The following KHK variants were observed in gnomAD, a reference collection of about 807,000 sequenced individuals.
KHK encodes ketohexokinase.
KHK carries 37 observed loss-of-function variants against 36.0 expected under a neutral mutation model. The observed-to-expected ratio is 1.03, with a 90% confidence interval of 0.79 to 1.35. The LOEUF (loss-of-function observed/expected upper bound fraction) is 1.35, where lower values mean the gene tolerates loss of function less well. KHK is among the 40% of genes most tolerant of loss of function. The pLI, the probability that KHK is intolerant of heterozygous loss-of-function variation, is 0.00. For synonymous variants in KHK, 161 were observed against 162.8 expected, an observed-to-expected ratio of 0.99 and a Z score of 0.08; for missense variants, 395 against 391.9, an observed-to-expected ratio of 1.01 and a Z score of -0.07.
At chr2:27,091,972 G>C (rs1268734029) in intron 1 of KHK, among the ~76,000 whole-genome samples, 1 of 152,248 alleles carries the variant, frequency 6.6e-6, no homozygotes, top group Non-Finnish European at 1.5e-5. Flanking sequence ...GGCCAAAGGT[G>C]CAGCGTCTGG....
At position 27,087,164 on chromosome 2, in the gene KHK, G is replaced by A; in HGVS notation, c.-96G>A. 1 of 1,053,318 alleles carries A rather than the reference G, an allele frequency of 9.5e-7. No individual in the cohort carries two copies. The highest frequency in any genetic ancestry group is 2.6e-5 in the East Asian group (1 of 38,282). The allele number at this position is 1,053,318 out of a possible 1,614,324, so 65.2% of individuals were successfully genotyped here. Reference sequence around the variant, plus strand: ...GCTCCCACGCGGAGGAGGAGCCAGGGCAGCTGGGAGCGGGGACACCATCCT... The same window carrying A: ...GCTCCCACGCGGAGGAGGAGCCAGGACAGCTGGGAGCGGGGACACCATCCT... On this transcript the variant is annotated 5_prime_UTR_variant, in exon 1 of 8. Transcript: ENST00000260598.
intron 3 of KHK, 54 bp downstream of exon 3, chr2:27,094,988 A>G (rs1468393487): frequency 2.5e-6 from 4 of 1,606,120 alleles, no homozygotes; most frequent in Non-Finnish European, 3.4e-6. Flanking sequence ...TGGCTCAATC[A>G]GTTCCCTCAC....
chr2:27,092,242 C>G (rs1348368992), intron 1 of KHK, 90 bp from the exon 2 acceptor site: 1 of 1,020,002 alleles, frequency 9.8e-7, no homozygotes, highest in African/African-American at 1.6e-5. Flanking sequence ...AGAGGAGTCC[C>G]CAGCTGTTAC....
intron 1 of KHK, among the ~76,000 whole-genome samples, chr2:27,091,653 G>C (rs1161831803): frequency 6.6e-6 from 1 of 152,176 alleles, no homozygotes; most frequent in Non-Finnish European, 1.5e-5. Flanking sequence ...ACTGTGAGGG[G>C]ATCAGTGCGT....
intron 1 of KHK, among the ~76,000 whole-genome samples, chr2:27,089,744 C>T (rs1669873966): frequency 6.6e-6 from 1 of 152,226 alleles, no homozygotes; most frequent in Non-Finnish European, 1.5e-5. Flanking sequence ...GGGACCCAGT[C>T]CTTCCTGGGT....
rs1670772561 is a variant in KHK, at chr2:27,100,728, A to G, written c.*978A>G. On this transcript the variant is annotated 3_prime_UTR_variant, in exon 8 of 8. Transcript: ENST00000260598. ...ACAGAATTATTGTGAGGATAAAATC[A>G]TATATAAAATGCCCAGCATGATGCC... The G allele has an allele frequency of 3.5e-6, 4 of 1,132,878 alleles. No individual in the cohort carries two copies. The highest frequency in any genetic ancestry group is 3.3e-5 in the African/African-American group (2 of 61,316). The allele number at this position is 1,132,878 out of a possible 1,614,324, so 70.2% of individuals were successfully genotyped here.
chr2:27,087,001 G>A lies in KHK; in HGVS notation c.-259G>A, dbSNP rs954145487. 4.8e-6 allele frequency: 2 copies of A among 413,672 alleles called. No homozygotes were observed. The highest frequency in any genetic ancestry group is 8.8e-6 in the Non-Finnish European group (2 of 228,110). The allele number at this position is 413,672 out of a possible 1,614,324, so 25.6% of individuals were successfully genotyped here. A position where few individuals can be genotyped will look rare whatever the true frequency, so the allele number is the denominator to read the frequency against. On this transcript the variant is annotated 5_prime_UTR_variant, in exon 1 of 8. Transcript: ENST00000260598. Reference sequence around the variant, plus strand: ...TGCCATCTGCAGGCCCAGGCAACCTGCTACGGGAAGACCGGGGACCAAGAC... The same window carrying A: ...TGCCATCTGCAGGCCCAGGCAACCTACTACGGGAAGACCGGGGACCAAGAC...
In KHK at chr2:27,099,516, G is replaced by C; in HGVS notation, c.750G>C (p.Val250=). The C allele has an allele frequency of 1.2e-6, 2 of 1,614,154 alleles. No homozygotes were observed. Among genetic ancestry groups the C allele is most frequent in the Middle Eastern group, 1.6e-4 (1 of 6,062 alleles). The change falls in exon 7 of 8, where the codon GTG becomes GTC. Residue 250 remains valine (V), a synonymous_variant. Transcript: ENST00000260598. ...LHSDAFPPPR[V]VDTLGAGDTF... is the part of the protein sequence containing the mutation. ...CGGATGCTTTCCCGCCACCCCGCGT[G>C]GTGGATACACTGGGAGCTGGAGACA...
chr2:27,094,457 G>T (rs747821283), intron 2 of KHK: 90 of 1,612,040 alleles, frequency 5.6e-5, no homozygotes, highest in Non-Finnish European at 6.5e-5. Context: ...CACCCCCTTC[G>T]GGTTACTCCG....
chr2:27,094,846 G>T lies in KHK; in HGVS notation c.256G>T (p.Val86Leu), dbSNP rs772905836. ...FRRRGVDVSQ[V>L]AWQSKGDTPS... ...GCGGCGGGGCGTGGACGTGTCTCAG[G>T]TGGCCTGGCAGAGCAAGGGGGACAC... The change falls in exon 3 of 8, where the codon GTG (valine) becomes TTG (leucine). Residue 86 changes from valine to leucine, a missense_variant. Coordinates refer to ENST00000260598, the MANE Select transcript of KHK (RefSeq NM_006488.3). 4 of 1,613,932 alleles carry T rather than the reference G, an allele frequency of 2.5e-6. No homozygotes were observed. The highest frequency in any genetic ancestry group is 2.5e-6 in the Non-Finnish European group (3 of 1,180,060).
rs1469381883 is a variant in KHK at position 27,100,384 on chromosome 2, C to G, written c.*634C>G. On this transcript the variant is annotated 3_prime_UTR_variant, in exon 8 of 8. Transcript: ENST00000260598. ...AAATACCTCCTCCCGCTGACTGCCC[C>G]AGAGCCTGAAAGTCTCACCCTTGGA... is the stretch of plus-strand genomic sequence containing the variant. 7.9e-7 allele frequency: 1 copy of G among 1,258,420 alleles called. No homozygotes were observed. Among genetic ancestry groups the G allele is most frequent in the Admixed American group, 2.3e-5 (1 of 43,518 alleles). 78.0% of individuals were successfully genotyped at this position (1,258,420 alleles called of 1,614,324 possible). A position where few individuals can be genotyped will look rare whatever the true frequency, so the allele number is the denominator to read the frequency against.
At chr2:27,088,052 T>G (rs554554497) in intron 1 of KHK, 11 of 151,356 alleles carry the variant, frequency 7.3e-5, no homozygotes, top group African/African-American at 2.7e-4. Flanking sequence ...TAGTGGGAAA[T>G]ATCTTTCTCA....
At chr2:27,094,686 T>C in intron 2 of KHK, 114 bp from the exon 3 acceptor site, 4 of 1,613,126 alleles carry the variant, frequency 2.5e-6, no homozygotes, top group Non-Finnish European at 2.5e-6. Context: ...TCTTCTTCTC[T>C]TAGAGGCTCG....
chr2:27,098,763 G>C (rs1247342826), intron 5 of KHK: 1 of 194,902 alleles, frequency 5.1e-6, no homozygotes, highest in Admixed American at 5.3e-5. Flanking sequence ...CAGGGAGCCA[G>C]CATGGCGGTG....
chr2:27,095,028 C>G, intron 3 of KHK, 94 bp downstream of exon 3: 2 of 1,421,672 alleles, frequency 1.4e-6, no homozygotes, highest in Non-Finnish European at 2.0e-6. Context: ...AACTGCCCCC[C>G]TCTGTGGCTT....
At chr2:27,087,498 G>A in intron 1 of KHK, 147 bp downstream of exon 1, 2 of 575,506 alleles carry the variant, frequency 3.5e-6, no homozygotes, top group Non-Finnish European at 6.1e-6. Flanking sequence ...GGGAATCCTG[G>A]GGGGGCTCCC....
intron 2 of KHK, among the ~76,000 whole-genome samples, chr2:27,092,888 T>C (rs1670100691): frequency 6.6e-6 from 1 of 152,172 alleles, no homozygotes. Context: ...CTGGTGCTCA[T>C]GTCCCTGTTG....
At chr2:27,090,389 T>C (rs1354715774) in intron 1 of KHK, among the ~76,000 whole-genome samples, 1 of 152,150 alleles carries the variant, frequency 6.6e-6, no homozygotes, top group Non-Finnish European at 1.5e-5. Flanking sequence ...TTCATATCTT[T>C]TCGTAAAAAT....
At position 27,092,379 on chromosome 2, in the gene KHK, G is replaced by C. The variant is rs751302589; in HGVS notation, c.140G>C (p.Cys47Ser). 1 of 1,613,638 alleles carries C rather than the reference G, an allele frequency of 6.2e-7. No homozygotes were observed. Among genetic ancestry groups the C allele is most frequent in the East Asian group, 2.2e-5 (1 of 44,876 alleles). ...CGCGGAGGCAACGCGTCCAACTCCT[G>C]CACCGTTCTCTCCCTGCTCGGAGCC... ...WQRGGNASNS[C>S]TVLSLLGAPC... Residue 47 changes from cysteine to serine, a missense_variant, in exon 2 of 8, where the codon TGC becomes TCC. Coordinates refer to ENST00000260598, the MANE Select transcript of KHK (RefSeq NM_006488.3).
Sources: allele counts gnomAD v4.1 joint callset (sites outside exome capture counted in the v4.1 genomes callset), GRCh38; gene constraint gnomAD v4.1.1; transcripts MANE v1.5; gene names NCBI Gene and HGNC (gene_info 2026-07-23, HGNC 2026-07-21).